Variants in SLC28A1 observed in about 807,000 individuals in gnomAD.
SLC28A1 encodes sodium/nucleoside cotransporter 1.
Under a neutral mutation model 74.8 loss-of-function variants are expected in SLC28A1, and 64 were observed. That is an observed-to-expected ratio of 0.86 (90% CI 0.70 to 1.05). SLC28A1 has a LOEUF of 1.05. SLC28A1 is among the 50% of genes least tolerant of loss of function. SLC28A1 has a pLI of 0.00. For missense variants in SLC28A1, 828 were observed against 822.8 expected (o/e 1.01, Z -0.08); for synonymous variants, 359 against 335.0 (o/e 1.07, Z -0.78).
At chr15:84,942,321 A>G in intron 15 of SLC28A1, among the ~76,000 whole-genome samples, 1 of 152,216 alleles carries the variant, frequency 6.6e-6, no homozygotes, top group East Asian at 1.9e-4. Flanking sequence ...TAAATGTACA[A>G]TTAAGTCATT....
intron 12 of SLC28A1, among the ~76,000 whole-genome samples, chr15:84,928,408 A>G (rs1369003631): frequency 6.6e-6 from 1 of 151,628 alleles, no homozygotes; most frequent in African/African-American, 2.4e-5. Flanking sequence ...CCAGCCCTGT[A>G]CTGCACGCCC....
the SLC28A1 span, among the ~76,000 whole-genome samples, chr15:84,950,912 A>C: frequency 2.0e-5 from 3 of 152,242 alleles, no homozygotes; most frequent in East Asian, 3.9e-4. Flanking sequence ...TCAACTCTGC[A>C]CTTGTAGTTG....
chr15:84,939,330 A>G (rs986001033), intron 15 of SLC28A1, among the ~76,000 whole-genome samples: 1 of 151,922 alleles, frequency 6.6e-6, no homozygotes, highest in African/African-American at 2.4e-5. Flanking sequence ...AAAACAAAAG[A>G]CAGAGAGAAG....
chr15:84,957,857 C>T, the SLC28A1 span, among the ~76,000 whole-genome samples: 2 of 152,124 alleles, frequency 1.3e-5, no homozygotes, highest in Non-Finnish European at 2.9e-5. Flanking sequence ...GCAAAAAACC[C>T]AGCTGAGATT....
At chr15:84,958,961 T>C in the SLC28A1 span, among the ~76,000 whole-genome samples, 1 of 151,438 alleles carries the variant, frequency 6.6e-6, no homozygotes, top group Non-Finnish European at 1.5e-5. Context: ...TTAGCAGGGT[T>C]GAGTGGTGCA....
intron 3 of SLC28A1, 102 bp from the exon 4 acceptor site, chr15:84,888,670 C>T (rs1003427484): frequency 1.3e-6 from 1 of 771,322 alleles, no homozygotes; most frequent in African/African-American, 1.7e-5. Flanking sequence ...CAGCCCAGTC[C>T]CCTCCTCAGC....
intron 4 of SLC28A1, 137 bp from the exon 5 acceptor site, chr15:84,890,306 C>T (rs1596196737): frequency 1.4e-6 from 1 of 704,864 alleles, no homozygotes; most frequent in South Asian, 1.5e-5. Flanking sequence ...CCCTGCAGCC[C>T]TGTGGGGATG....
At chr15:84,895,575 G>C in intron 6 of SLC28A1, 2 of 1,527,040 alleles carry the variant, frequency 1.3e-6, no homozygotes, top group Non-Finnish European at 1.8e-6. Context: ...AACAGTTTGA[G>C]ATCTGCTGCT....
At chr15:84,903,663 T>C (rs1215151279) in intron 6 of SLC28A1, among the ~76,000 whole-genome samples, 1 of 152,176 alleles carries the variant, frequency 6.6e-6, no homozygotes, top group African/African-American at 2.4e-5. Flanking sequence ...CATTTTGCAG[T>C]CATGGCTGGT....
intron 12 of SLC28A1, among the ~76,000 whole-genome samples, chr15:84,930,783 T>A (rs1306629878): frequency 1.3e-5 from 2 of 151,990 alleles, no homozygotes; most frequent in African/African-American, 2.4e-5. Context: ...TTTTTGTTTT[T>A]TTTTGAGATG....
Position 84,944,811 on chromosome 15 carries a change from G to C in SLC28A1, c.1818G>C (p.Thr606=). The change falls in exon 18 of 19, where the codon ACG becomes ACC. Residue 606 remains threonine, a synonymous_variant. Coordinates refer to ENST00000394573, the MANE Select transcript of SLC28A1 (RefSeq NM_004213.5). ...AEVDCMSLLN[T]TLSSSSFEIY... ...TTGACTGCATGTCCCTCTTGAACACGACCCTCAGCAGCAGTAGCTTTGAGA... is the reference window on the plus strand; with the variant it reads ...TTGACTGCATGTCCCTCTTGAACACCACCCTCAGCAGCAGTAGCTTTGAGA... The C allele has an allele frequency of 3.1e-6, 5 of 1,614,094 alleles. No homozygotes were observed. In the South Asian group the frequency reaches 5.5e-5, roughly 18 times the overall value.
chr15:84,906,556 CTTTCTTTCTCTT>C (rs1216125294), intron 8 of SLC28A1, among the ~76,000 whole-genome samples: 1,861 of 89,156 alleles, frequency 0.021, 90 homozygotes, highest in African/African-American at 0.073. Context: ...TTCTTTCTTT[CTTTCTTTCTCTT>C]TCTTTCTTCC....
Position 84,912,846 on chromosome 15 carries a change from AC to A in SLC28A1, c.795+4052del, listed in dbSNP as rs1472486229. ...CACACACACACACACACACACACAC[AC>A]AGATCAAATAAGGACCAAAAGGTAT... is the stretch of plus-strand genomic sequence containing the variant. On this transcript the variant is annotated intron_variant, in intron 9 of 18. Transcript: ENST00000394573. Among the ~76,000 whole-genome samples the A allele has an allele frequency of 6.9e-4, 87 of 126,836 alleles. 1 individual carries two copies. Among genetic ancestry groups the A allele is most frequent in the African/African-American group, 8.5e-4 (33 of 38,830 alleles). 83.2% of individuals were successfully genotyped at this position (126,836 alleles called of 152,430 possible).
At chr15:84,929,848 C>T (rs1293808262) in intron 12 of SLC28A1, among the ~76,000 whole-genome samples, 3 of 152,280 alleles carry the variant, frequency 2.0e-5, no homozygotes, top group East Asian at 3.9e-4. Context: ...GGTGACAGAG[C>T]GAGACCCTTT....
intron 5 of SLC28A1, among the ~76,000 whole-genome samples, chr15:84,891,048 C>G (rs1965313831): frequency 6.6e-6 from 1 of 152,070 alleles, no homozygotes. Flanking sequence ...TAGGAAAGGG[C>G]CCAGGATGGG....
At chr15:84,888,663 C>A in intron 3 of SLC28A1, 109 bp from the exon 4 acceptor site, 2 of 746,070 alleles carry the variant, frequency 2.7e-6, no homozygotes, top group South Asian at 1.5e-5. Context: ...TGTGCCCCAG[C>A]CCAGTCCCCT....
At chr15:84,961,635 CTGG>C in the SLC28A1 span, 1 of 375,606 alleles carries the variant, frequency 2.7e-6, no homozygotes, top group South Asian at 2.0e-5. Flanking sequence ...GCCACTTTGC[CTGG>C]CTGAGAGATA....
rs557418241 is a variant in SLC28A1, at chr15:84,894,798, G to A, written c.278-142G>A. On this transcript the variant is annotated intron_variant, in intron 5 of 18. Transcript: ENST00000394573. The stretch of plus-strand genomic sequence containing the variant: ...GCGGTGGTTGTTTTCATTTCCAGAT[G>A]AGGAAACAGGCTCAGTGAGGTTGGG... 12 of 795,390 alleles carry A rather than the reference G, an allele frequency of 1.5e-5. No homozygotes were observed. The African/African-American group carries it at 2.0e-4, about 13-fold the overall frequency. 49.3% of individuals were successfully genotyped at this position (795,390 alleles called of 1,614,324 possible).
At chr15:84,951,419 C>T in the SLC28A1 span, among the ~76,000 whole-genome samples, 1 of 135,842 alleles carries the variant, frequency 7.4e-6, no homozygotes, top group Admixed American at 8.0e-5. Context: ...GAGCGAGACC[C>T]TGTCTTAAAA....
Sources: allele counts gnomAD v4.1 joint callset (sites outside exome capture counted in the v4.1 genomes callset), GRCh38; gene constraint gnomAD v4.1.1; transcripts MANE v1.5; gene names NCBI Gene and HGNC (gene_info 2026-07-23, HGNC 2026-07-21).